Variants in ITGB5 observed in about 807,000 individuals in gnomAD.
ITGB5 encodes integrin subunit beta 5, also known as integrin beta-5.
ITGB5 carries 38 observed loss-of-function variants against 84.8 expected under a neutral mutation model. The ratio of observed to expected loss-of-function variants is 0.45; its 90% CI spans 0.35 to 0.59. The LOEUF is 0.59. Ranked by LOEUF, ITGB5 falls within the 20% of genes least tolerant of loss-of-function variation. The pLI is 0.01. For synonymous variants in ITGB5, 393 were observed against 414.4 expected (o/e 0.95, Z 0.63); for missense variants, 905 against 1,034.5 (o/e 0.87, Z 1.72).
upstream of ITGB5, among the ~76,000 whole-genome samples, chr3:124,891,758 A>G (rs1262355243): frequency 3.3e-5 from 5 of 151,724 alleles, no homozygotes. Flanking sequence ...CCCCATCTCT[A>G]CAAAAAAATA....
intron 9 of ITGB5, among the ~76,000 whole-genome samples, chr3:124,798,055 C>CTTTTTGTTTTTTTTTTTTTTTT (rs2064258513): frequency 9.6e-6 from 1 of 103,656 alleles, no homozygotes; most frequent in African/African-American, 4.0e-5. Flanking sequence ...TAGAATAAAG[C>CTTTTTGTTTTTTTTTTTTTTTT]TTTTTTTTTT....
In ITGB5 at chr3:124,796,420, GAGA is replaced by G. The variant is rs1390825824; in HGVS notation, c.1658_1660del (p.Phe553del). 1.2e-6 allele frequency: 2 copies of G among 1,613,612 alleles called. No individual in the cohort carries two copies. Among genetic ancestry groups the G allele is most frequent in the Admixed American group, 1.7e-5 (1 of 59,992 alleles). ...GAGGACTCCCTTGTTCCTGGCACAG[GAGA>G]AGTTGTCGCACTCACAGAAAGGCCC... On this transcript the variant is annotated inframe_deletion, in exon 10 of 15. Coordinates refer to ENST00000296181, the MANE Select transcript of ITGB5 (RefSeq NM_002213.5).
chr3:124,784,358 A>T (rs2064049648), intron 10 of ITGB5, among the ~76,000 whole-genome samples: 2 of 152,166 alleles, frequency 1.3e-5, no homozygotes, highest in Non-Finnish European at 2.9e-5. Flanking sequence ...ATTAAAAATT[A>T]GCCAGGCATG....
At chr3:124,881,485 ATAGT>A (rs1210214777) in intron 1 of ITGB5, among the ~76,000 whole-genome samples, 8 of 152,256 alleles carry the variant, frequency 5.3e-5, no homozygotes, top group Non-Finnish European at 1.2e-4. Context: ...GGAGGAGGAG[ATAGT>A]TCTGCTCCAC....
At chr3:124,880,066 C>T (rs747819107) in intron 1 of ITGB5, among the ~76,000 whole-genome samples, 7 of 152,060 alleles carry the variant, frequency 4.6e-5, no homozygotes, top group African/African-American at 1.2e-4. Context: ...TGTCTAATCA[C>T]GGGAAAAAAT....
intron 11 of ITGB5, among the ~76,000 whole-genome samples, chr3:124,770,719 G>A (rs2063829993): frequency 6.6e-6 from 1 of 151,952 alleles, no homozygotes; most frequent in Admixed American, 6.6e-5. Flanking sequence ...TCCCTGAAAT[G>A]GCTACAAAAT....
chr3:124,861,463 TA>T (rs1215053354), intron 2 of ITGB5, among the ~76,000 whole-genome samples: 1 of 128,274 alleles, frequency 7.8e-6, no homozygotes, highest in Non-Finnish European at 1.6e-5. Flanking sequence ...GAGACTTTGT[TA>T]AAAAAACAAA....
intron 9 of ITGB5, among the ~76,000 whole-genome samples, chr3:124,806,424 ATTTTTTTTTTTTTTT>A (rs71145488): frequency 2.7e-5 from 2 of 72,774 alleles, no homozygotes; most frequent in African/African-American, 1.1e-4. Context: ...GCCTCATTCC[ATTTTTTTTTTTTTTT>A]TTTTTTTTTT....
At position 124,841,478 on chromosome 3, in the gene ITGB5, T is replaced by G. The variant is rs774854516; in HGVS notation, c.685A>C (p.Ser229Arg). The G allele has an allele frequency of 3.7e-6, 6 of 1,614,142 alleles. No individual in the cohort carries two copies. In the East Asian group the frequency reaches 1.3e-4, roughly 36 times the overall value. ...HLLPLTDRVDSFNEEVRKQRV... is the reference protein window; with the variant it reads ...HLLPLTDRVDRFNEEVRKQRV... Reference sequence around the variant, plus strand: ...TGTTTCCGAACTTCCTCATTGAAGCTGTCCACTCTGTCTGTGAGAGGCAGC... The same window carrying G: ...TGTTTCCGAACTTCCTCATTGAAGCGGTCCACTCTGTCTGTGAGAGGCAGC... The change falls in exon 5 of 15, where the codon AGC becomes CGC. Residue 229 changes from serine (S) to arginine (R), a missense_variant. By Grantham distance (110) the Ser-to-Arg change is moderately radical. Transcript: ENST00000296181.
intron 2 of ITGB5, 49 bp downstream of exon 2, chr3:124,873,397 A>T (rs1483854117): frequency 7.8e-7 from 1 of 1,287,694 alleles, no homozygotes; most frequent in African/African-American, 1.5e-5. Context: ...TCTCACCCTC[A>T]CCCTCGCAGC....
rs1428363442 is a variant in ITGB5 at position 124,762,221 on chromosome 3, G to A, written c.*1402C>T. 1 of 152,218 alleles carries A rather than the reference G, an allele frequency of 6.6e-6. No homozygotes were observed. The highest frequency in any genetic ancestry group is 1.5e-5 in the Non-Finnish European group (1 of 68,046). 9.4% of individuals were successfully genotyped at this position (152,218 alleles called of 1,614,324 possible). On this transcript the variant is annotated 3_prime_UTR_variant, in exon 15 of 15. Coordinates refer to ENST00000296181, the MANE Select transcript of ITGB5 (RefSeq NM_002213.5). ...TGAAGTAAGGGGAATTGGGTCCAGA[G>A]CTGAGGACAGATCCATTTGGAATGA...
At chr3:124,777,424 C>T (rs1051860222) in intron 10 of ITGB5, among the ~76,000 whole-genome samples, 1 of 152,346 alleles carries the variant, frequency 6.6e-6, no homozygotes, top group Non-Finnish European at 1.5e-5. Context: ...GCCAGCCAAA[C>T]CAGAAAATAA....
intron 7 of ITGB5, among the ~76,000 whole-genome samples, chr3:124,818,394 T>C (rs1384917618): frequency 6.6e-6 from 1 of 151,882 alleles, no homozygotes; most frequent in Non-Finnish European, 1.5e-5. Context: ...TGAGGAAGGA[T>C]GCTTAAGCCA....
At chr3:124,832,011 C>T (rs1401904814) in intron 5 of ITGB5, among the ~76,000 whole-genome samples, 1 of 152,208 alleles carries the variant, frequency 6.6e-6, no homozygotes, top group African/African-American at 2.4e-5. Context: ...CATCAGCATG[C>T]TAACCTTGGG....
chr3:124,886,782 C>T (rs1405204185), intron 1 of ITGB5, 149 bp downstream of exon 1: 2 of 337,352 alleles, frequency 5.9e-6, no homozygotes, highest in Non-Finnish European at 1.0e-5. Flanking sequence ...CCCCGCGGGG[C>T]TGTCCCCCAG....
chr3:124,782,133 C>G (rs1484523433), intron 10 of ITGB5, among the ~76,000 whole-genome samples: 1 of 152,146 alleles, frequency 6.6e-6, no homozygotes, highest in South Asian at 2.1e-4. Flanking sequence ...AGGCATGGTT[C>G]TAAGCATTTT....
intron 1 of ITGB5, among the ~76,000 whole-genome samples, chr3:124,880,964 A>G (rs970954872): frequency 1.7e-4 from 25 of 151,288 alleles, no homozygotes; most frequent in African/African-American, 5.8e-4. Flanking sequence ...AAAGAAAAGA[A>G]AAAGTACATA....
At chr3:124,768,717 T>C (rs1413599225) in intron 12 of ITGB5, among the ~76,000 whole-genome samples, 2 of 152,260 alleles carry the variant, frequency 1.3e-5, no homozygotes, top group Non-Finnish European at 2.9e-5. Context: ...TTGTACGTAT[T>C]TTTACATGGA....
intron 11 of ITGB5, among the ~76,000 whole-genome samples, chr3:124,771,741 C>CCTGT (rs1490242993): frequency 1.8e-5 from 2 of 111,396 alleles, no homozygotes; most frequent in African/African-American, 4.0e-5. Context: ...GGAGTGAGAC[C>CCTGT]CTGTCTCAAA....
Sources: gnomAD v4.1 joint callset for allele counts (sites outside exome capture counted in the v4.1 genomes callset) on GRCh38, gnomAD v4.1.1 for gene constraint, MANE v1.5 for transcripts, NCBI Gene and HGNC (gene_info 2026-07-23, HGNC 2026-07-21) for gene names.